Variants in PDE7B observed in about 807,000 individuals in gnomAD.
The protein encoded by PDE7B is 3',5'-cyclic-AMP phosphodiesterase 7B.
PDE7B carries 29 observed loss-of-function variants against 56.2 expected under a neutral mutation model. The observed-to-expected ratio is 0.52, with a 90% CI of 0.38 to 0.70. The LOEUF (loss-of-function observed/expected upper bound fraction) is 0.70, where lower values mean the gene tolerates loss of function less well. Ranked by LOEUF, PDE7B falls within the 30% of genes least tolerant of loss-of-function variation. The pLI, the probability that PDE7B is intolerant of heterozygous loss-of-function variation, is 0.00. For missense variants in PDE7B, 490 were observed against 565.0 expected, an observed-to-expected ratio of 0.87 and a Z score of 1.35; for synonymous variants, 197 against 196.9, an observed-to-expected ratio of 1.00 and a Z score of 0.00.
chr6:136,048,998 C>G (rs1202336673), intron 2 of PDE7B: 1 of 152,236 alleles, frequency 6.6e-6, no homozygotes, highest in East Asian at 1.9e-4. Context: ...TCATGTTCAT[C>G]TCTTCCCCAA....
chr6:136,167,242 C>G (rs1480842554), intron 8 of PDE7B, among the ~76,000 whole-genome samples: 1 of 152,186 alleles, frequency 6.6e-6, no homozygotes, highest in Non-Finnish European at 1.5e-5. Flanking sequence ...CTATCCAACT[C>G]TTTCCAGCAT....
chr6:135,913,644 A>T (rs149773839), intron 1 of PDE7B, among the ~76,000 whole-genome samples: 1 of 152,368 alleles, frequency 6.6e-6, no homozygotes, highest in African/African-American at 2.4e-5. Context: ...CTTTTCATTT[A>T]ACATGTACTG....
intron 2 of PDE7B, among the ~76,000 whole-genome samples, chr6:136,107,270 C>A (rs1440279670): frequency 6.6e-6 from 1 of 152,168 alleles, no homozygotes; most frequent in African/African-American, 2.4e-5. Context: ...CCAGTGCCAC[C>A]TTACTTCGGG....
chr6:135,887,762 G>A (rs1433325220), intron 1 of PDE7B, among the ~76,000 whole-genome samples: 4 of 152,128 alleles, frequency 2.6e-5, no homozygotes, highest in African/African-American at 4.8e-5. Context: ...GTCTAAATAA[G>A]CATAATTTGT....
chr6:135,890,712 G>A (rs990157878), intron 1 of PDE7B, among the ~76,000 whole-genome samples: 1 of 151,918 alleles, frequency 6.6e-6, no homozygotes, highest in Non-Finnish European at 1.5e-5. Context: ...TTGATGCAAG[G>A]CAAGTTGCAC....
chr6:136,155,667 T>C lies in PDE7B; in HGVS notation c.620T>C (p.Leu207Pro), dbSNP rs769788127. 1 of 1,613,756 alleles carries C rather than the reference T, an allele frequency of 6.2e-7. No individual in the cohort carries two copies. The highest frequency in any genetic ancestry group is 1.1e-5 in the South Asian group (1 of 91,076). The stretch of plus-strand genomic sequence containing the variant: ...ACGCCTCTGGACATCATGCTTGGAC[T>C]GCTGGCTGCAGCAGCACACGATGTG... ...FLTPLDIMLG[L>P]LAAAAHDVDH... Residue 207 changes from leucine to proline, a missense_variant, in exon 8 of 13, where the codon CTG becomes CCG. Leu to Pro is a moderately conservative substitution (Grantham distance 98). Transcript: ENST00000308191.
intron 3 of PDE7B, among the ~76,000 whole-genome samples, chr6:136,137,037 G>A (rs1420155142): frequency 6.6e-6 from 1 of 151,978 alleles, no homozygotes; most frequent in Non-Finnish European, 1.5e-5. Context: ...TGATTAAATG[G>A]TTTCTGACTT....
intron 1 of PDE7B, among the ~76,000 whole-genome samples, chr6:135,863,362 A>G (rs1232138698): frequency 6.6e-6 from 1 of 152,082 alleles, no homozygotes; most frequent in Non-Finnish European, 1.5e-5. Flanking sequence ...CAGCAATTTT[A>G]TAAAATTTAA....
chr6:135,928,220 A>G (rs1009474757), intron 1 of PDE7B, among the ~76,000 whole-genome samples: 2 of 151,698 alleles, frequency 1.3e-5, no homozygotes, highest in African/African-American at 2.4e-5. Flanking sequence ...CTACTGTGGA[A>G]AGCAATGTGA....
chr6:135,989,591 G>A (rs1296567937), intron 2 of PDE7B, among the ~76,000 whole-genome samples: 1 of 151,928 alleles, frequency 6.6e-6, no homozygotes, highest in Non-Finnish European at 1.5e-5. Context: ...TCCAGGCTAG[G>A]CAACAAGAGC....
chr6:136,135,478 G>C (rs1488408345), intron 3 of PDE7B, among the ~76,000 whole-genome samples: 1 of 151,670 alleles, frequency 6.6e-6, no homozygotes, highest in Non-Finnish European at 1.5e-5. Context: ...CATTTATAAT[G>C]ACTTTGTCTT....
intron 2 of PDE7B, among the ~76,000 whole-genome samples, chr6:135,984,969 G>T (rs1351765168): frequency 6.6e-6 from 1 of 152,050 alleles, no homozygotes; most frequent in Non-Finnish European, 1.5e-5. Context: ...TGCAAGCAAA[G>T]GCTACATGGG....
At chr6:135,980,167 C>T (rs200737337) in intron 2 of PDE7B, among the ~76,000 whole-genome samples, 2 of 150,850 alleles carry the variant, frequency 1.3e-5, no homozygotes, top group Non-Finnish European at 3.0e-5. Flanking sequence ...CTTTGACAAA[C>T]CTGAGAAAAA....
intron 1 of PDE7B, among the ~76,000 whole-genome samples, chr6:135,906,829 T>TTTTTTTTTTTTTTTTTTTTTTTTTG (rs1562434158): frequency 1.4e-5 from 2 of 142,690 alleles, no homozygotes; most frequent in Admixed American, 6.9e-5. Flanking sequence ...TTTTTTTTTT[T>TTTTTTTTTTTTTTTTTTTTTTTTTG]TTTTTTTAAT....
chr6:136,135,521 A>G (rs1562501680), intron 3 of PDE7B, among the ~76,000 whole-genome samples: 1 of 151,990 alleles, frequency 6.6e-6, no homozygotes, highest in Non-Finnish European at 1.5e-5. Context: ...GGAAATCTCC[A>G]CACTTGATGA....
In PDE7B at chr6:136,007,463, C is replaced by A. The variant is rs117081335; in HGVS notation, c.82+59939C>A. ...AGAGTCCCTCCTCCTCAATTTCTTC[C>A]CAGTTTATTATTGGTATAACATACA... is the stretch of plus-strand genomic sequence containing the variant. On this transcript the variant is annotated intron_variant, in intron 2 of 12. Coordinates refer to ENST00000308191, the MANE Select transcript of PDE7B (RefSeq NM_018945.4). Among the ~76,000 whole-genome samples the A allele has an allele frequency of 1.7e-3, 254 of 151,900 alleles. 2 individuals are homozygous for A. In the East Asian group the frequency reaches 0.028, roughly 17 times the overall value.
At chr6:136,150,937 T>C (rs1260073681) in intron 5 of PDE7B, among the ~76,000 whole-genome samples, 1 of 152,106 alleles carries the variant, frequency 6.6e-6, no homozygotes, top group Non-Finnish European at 1.5e-5. Context: ...TCATTGTCTT[T>C]GGTGAAGGGA....
intron 1 of PDE7B, among the ~76,000 whole-genome samples, chr6:135,939,218 C>A (rs1774468580): frequency 6.6e-6 from 1 of 152,214 alleles, no homozygotes; most frequent in South Asian, 2.1e-4. Context: ...ACGTAGCCCA[C>A]AGATTTGCTG....
intron 1 of PDE7B, among the ~76,000 whole-genome samples, chr6:135,922,868 C>A (rs1379816085): frequency 6.6e-6 from 1 of 152,078 alleles, no homozygotes; most frequent in African/African-American, 2.4e-5. Flanking sequence ...GCAGAAAAAC[C>A]TTTCCTGTGG....
Sources: gnomAD v4.1 joint callset for allele counts (sites outside exome capture counted in the v4.1 genomes callset) on GRCh38, gnomAD v4.1.1 for gene constraint, MANE v1.5 for transcripts, NCBI Gene and HGNC (gene_info 2026-07-23, HGNC 2026-07-21) for gene names.